BBS7: variants seen among roughly 807,000 people sequenced by gnomAD.
The protein encoded by BBS7 is Bardet-Biedl syndrome 7.
BBS7 carries 50 observed loss-of-function variants against 90.3 expected under a neutral mutation model. The observed-to-expected ratio is 0.55, with a 90% CI of 0.44 to 0.70. The LOEUF is 0.70. BBS7 is among the 30% of genes least tolerant of loss of function. The probability of loss-of-function intolerance (pLI) is 0.00; values close to 1 mark genes in which losing one functional copy is unlikely to be tolerated. For synonymous variants in BBS7, 235 were observed against 287.4 expected (o/e 0.82, Z 1.85); for missense variants, 729 against 838.9 (o/e 0.87, Z 1.62).
At chr4:121,832,634 G>A (rs576033978) in intron 15 of BBS7, among the ~76,000 whole-genome samples, 24 of 152,168 alleles carry the variant, frequency 1.6e-4, no homozygotes, top group Admixed American at 1.3e-4. Context: ...GAAGCGTATA[G>A]AACAATATAA....
intron 3 of BBS7, among the ~76,000 whole-genome samples, chr4:121,862,157 A>C (rs551296055): frequency 6.6e-5 from 10 of 152,312 alleles, no homozygotes; most frequent in African/African-American, 2.2e-4. Context: ...TTTTAAAACT[A>C]ATCTTTCCTG....
At chr4:121,839,301 T>A (rs1725610219) in intron 13 of BBS7, among the ~76,000 whole-genome samples, 1 of 152,138 alleles carries the variant, frequency 6.6e-6, no homozygotes, top group Non-Finnish European at 1.5e-5. Context: ...GCATGGTGGC[T>A]CACCCCTGTA....
intron 14 of BBS7, among the ~76,000 whole-genome samples, chr4:121,834,125 A>G (rs1725330477): frequency 6.6e-6 from 1 of 152,232 alleles, no homozygotes; most frequent in African/African-American, 2.4e-5. Flanking sequence ...CTAATTTAAA[A>G]TAAATCAGAT....
intron 4 of BBS7, 143 bp from the exon 5 acceptor site, chr4:121,859,321 A>G (rs1726853191): frequency 2.6e-6 from 2 of 774,152 alleles, no homozygotes; most frequent in Non-Finnish European, 4.2e-6. Context: ...TCTCCTAGTT[A>G]ATTCCTAGTA....
intron 1 of BBS7, among the ~76,000 whole-genome samples, chr4:121,869,933 A>G (rs1164689473): frequency 1.3e-5 from 2 of 152,114 alleles, no homozygotes; most frequent in Admixed American, 1.3e-4. Flanking sequence ...CCGGGTAGAG[A>G]TGGAGATTGA....
At chr4:121,864,649 T>A (rs1727160725) in intron 2 of BBS7, among the ~76,000 whole-genome samples, 2 of 152,232 alleles carry the variant, frequency 1.3e-5, no homozygotes, top group African/African-American at 4.8e-5. Context: ...GGATCCTCAA[T>A]CATTTAATTG....
intron 12 of BBS7, among the ~76,000 whole-genome samples, chr4:121,842,737 C>T (rs561211149): frequency 6.6e-6 from 1 of 152,262 alleles, no homozygotes; most frequent in Non-Finnish European, 1.5e-5. Flanking sequence ...TAACTAACCA[C>T]CAACTCCAGT....
intron 5 of BBS7, among the ~76,000 whole-genome samples, chr4:121,858,111 T>A (rs1379894146): frequency 6.6e-6 from 1 of 152,168 alleles, no homozygotes; most frequent in African/African-American, 2.4e-5. Flanking sequence ...TGGCCTAAAA[T>A]GAACCTTTAA....
rs1274597386 is a variant in BBS7 at position 121,861,588 on chromosome 4, G to A, written c.257C>T (p.Ala86Val). 1.2e-6 allele frequency: 2 copies of A among 1,613,512 alleles called. No individual in the cohort carries two copies. Among genetic ancestry groups the A allele is most frequent in the Non-Finnish European group, 1.7e-6 (2 of 1,179,684 alleles). Residue 86 changes from alanine (A) to valine (V), a missense_variant, in exon 4 of 19, where the codon GCA becomes GTA. By Grantham distance (64) the Ala-to-Val change is moderately conservative. Coordinates refer to ENST00000264499, the MANE Select transcript of BBS7 (RefSeq NM_176824.3). ...NTPQEKIFIA[A>V]ASEIRGFTKR... ...TGTGAAGCCTCTAATCTCAGATGCT[G>A]CAGCAATAAAAATTTTCTCCTGAGG...
At chr4:121,866,768 T>C (rs1176255008) in intron 2 of BBS7, among the ~76,000 whole-genome samples, 1 of 152,200 alleles carries the variant, frequency 6.6e-6, no homozygotes, top group Non-Finnish European at 1.5e-5. Context: ...GAGTTCTCTA[T>C]TCCATTTTAT....
intron 3 of BBS7, among the ~76,000 whole-genome samples, chr4:121,862,007 T>C (rs1727009446): frequency 3.3e-5 from 5 of 152,188 alleles, no homozygotes; most frequent in Admixed American, 3.3e-4. Flanking sequence ...AATCTGTATT[T>C]TAACAAGATT....
intron 2 of BBS7, among the ~76,000 whole-genome samples, chr4:121,864,398 C>A (rs1374646449): frequency 6.6e-6 from 1 of 152,062 alleles, no homozygotes; most frequent in Non-Finnish European, 1.5e-5. Context: ...ATGCAGTAAA[C>A]AAATATGAAA....
chr4:121,837,850 A>G (rs1578534925), intron 13 of BBS7, among the ~76,000 whole-genome samples: 1 of 152,268 alleles, frequency 6.6e-6, no homozygotes, highest in South Asian at 2.1e-4. Flanking sequence ...CACACCTATA[A>G]TCCCAGCACT....
chr4:121,853,537 C>T (rs1726435869), intron 7 of BBS7, among the ~76,000 whole-genome samples: 1 of 151,922 alleles, frequency 6.6e-6, no homozygotes, highest in African/African-American at 2.4e-5. Flanking sequence ...CACCACCCCT[C>T]ATATCAAAAC....
intron 14 of BBS7, among the ~76,000 whole-genome samples, chr4:121,834,603 G>T (rs1207464309): frequency 6.6e-6 from 1 of 152,060 alleles, no homozygotes. Context: ...TACTACATAA[G>T]CTCCTAGCAT....
At position 121,870,384 on chromosome 4, in the gene BBS7, C is replaced by G; in HGVS notation, c.-71G>C. 6.3e-7 allele frequency: 1 copy of G among 1,583,504 alleles called. No homozygotes were observed. Among genetic ancestry groups the G allele is most frequent in the African/African-American group, 1.3e-5 (1 of 74,384 alleles). ...GGACAGAGGCTTCGGGCCCGCAGGC[C>G]TCCGACCCAGTCAGAAGGCTGCCCG... On this transcript the variant is annotated 5_prime_UTR_variant, in exon 1 of 19. Transcript: ENST00000264499.
In BBS7 at chr4:121,865,239, CTCT is replaced by C. The variant is rs1422126270; in HGVS notation, c.103-1963_103-1961del. On this transcript the variant is annotated intron_variant, in intron 2 of 18. Coordinates refer to ENST00000264499, the MANE Select transcript of BBS7 (RefSeq NM_176824.3). ...AAATGATAGGATTTCATTCTTCTCT[CTCT>C]TTTTTTTTTTTTTGAGACAGAGTTT... 5.2e-5 allele frequency among the ~76,000 whole-genome samples: 5 copies of C among 95,892 alleles called. No homozygotes were observed. In the East Asian group the frequency reaches 1.2e-3, roughly 23 times the overall value. 62.9% of individuals were successfully genotyped at this position (95,892 alleles called of 152,430 possible).
At chr4:121,840,631 G>A (rs771744165) in intron 12 of BBS7, among the ~76,000 whole-genome samples, 17 of 152,066 alleles carry the variant, frequency 1.1e-4, no homozygotes, top group Non-Finnish European at 1.9e-4. Context: ...TAGAAATAGA[G>A]AAATGTAGCT....
At chr4:121,849,519 A>G (rs1258213011) in intron 8 of BBS7, among the ~76,000 whole-genome samples, 1 of 152,162 alleles carries the variant, frequency 6.6e-6, no homozygotes, top group East Asian at 1.9e-4. Flanking sequence ...TTTATAAAGA[A>G]AGGTTTTTTA....
Sources: gnomAD v4.1 joint callset for allele counts (sites outside exome capture counted in the v4.1 genomes callset) on GRCh38, gnomAD v4.1.1 for gene constraint, MANE v1.5 for transcripts, NCBI Gene and HGNC (gene_info 2026-07-23, HGNC 2026-07-21) for gene names.